Variants in ZNF536 observed in about 807,000 individuals in gnomAD.
ZNF536 encodes the protein zinc finger protein 536.
ZNF536 carries 13 observed loss-of-function variants against 84.5 expected under a neutral mutation model. That is an observed-to-expected ratio of 0.15 (90% CI 0.10 to 0.24). ZNF536 has a LOEUF of 0.24. Ranked by LOEUF, ZNF536 falls within the 10% of genes least tolerant of loss-of-function variation. The probability of loss-of-function intolerance (pLI) is 1.00; values close to 1 mark genes in which losing one functional copy is unlikely to be tolerated. For synonymous variants in ZNF536, 811 were observed against 742.5 expected (o/e 1.09, Z -1.50); for missense variants, 1,536 against 1,747.5 (o/e 0.88, Z 2.16).
intron 1 of ZNF536, 98 bp from the exon 2 acceptor site, chr19:30,443,463 G>T: frequency 1.4e-6 from 2 of 1,455,174 alleles, no homozygotes; most frequent in Non-Finnish European, 1.8e-6. Context: ...TTATGTGTAG[G>T]TAAGGCATGA....
chr19:30,526,139 A>C (rs1171063297), intron 2 of ZNF536, among the ~76,000 whole-genome samples: 2 of 152,108 alleles, frequency 1.3e-5, no homozygotes, highest in African/African-American at 4.8e-5. Flanking sequence ...CAGAGAAGAG[A>C]CAGGTGTGCA....
chr19:30,559,555 T>C (rs887509779), downstream of ZNF536, among the ~76,000 whole-genome samples: 24 of 152,214 alleles, frequency 1.6e-4, no homozygotes, highest in African/African-American at 5.3e-4. Context: ...GTTCCTGGCG[T>C]TGCCGGTCAT....
intron 2 of ZNF536, among the ~76,000 whole-genome samples, chr19:30,343,105 C>G (rs1424158160): frequency 2.6e-5 from 4 of 152,170 alleles, no homozygotes; most frequent in Non-Finnish European, 4.4e-5. Context: ...CCTTGGGCCC[C>G]TGGATAAGCC....
intron 1 of ZNF536, among the ~76,000 whole-genome samples, chr19:30,608,349 A>G (rs2047970165): frequency 6.6e-6 from 1 of 151,962 alleles, no homozygotes; most frequent in Non-Finnish European, 1.5e-5. Flanking sequence ...TTTTGCAGGT[A>G]AACACTTCTT....
chr19:30,312,784 C>T (rs1005254491), intron 2 of ZNF536, among the ~76,000 whole-genome samples: 8 of 152,150 alleles, frequency 5.3e-5, no homozygotes, highest in South Asian at 4.1e-4. Flanking sequence ...GTGCCTCGGG[C>T]GGCCTAGTGG....
intron 1 of ZNF536, among the ~76,000 whole-genome samples, chr19:30,688,091 C>T (rs765027298): frequency 2.2e-4 from 34 of 151,950 alleles, no homozygotes; most frequent in Non-Finnish European, 3.5e-4. Flanking sequence ...GGATTAAACA[C>T]CCAGAAAACA....
At chr19:30,587,486 TC>T (rs1373120273) in intron 1 of ZNF536, among the ~76,000 whole-genome samples, 1 of 152,144 alleles carries the variant, frequency 6.6e-6, no homozygotes, top group Non-Finnish European at 1.5e-5. Context: ...GAAGTGCTCA[TC>T]CCCCGGGGGT....
intron 1 of ZNF536, among the ~76,000 whole-genome samples, chr19:30,639,871 G>A (rs1422137685): frequency 6.6e-6 from 1 of 152,178 alleles, no homozygotes; most frequent in African/African-American, 2.4e-5. Context: ...CCAGCATTCT[G>A]TGCTCCTTCC....
chr19:30,591,112 C>G (rs1297118610), intron 1 of ZNF536, among the ~76,000 whole-genome samples: 1 of 152,220 alleles, frequency 6.6e-6, no homozygotes, highest in Non-Finnish European at 1.5e-5. Flanking sequence ...ATGCCACCCA[C>G]TCATTTGGTG....
intron 1 of ZNF536, among the ~76,000 whole-genome samples, chr19:30,422,861 C>G (rs905770738): frequency 7.4e-6 from 1 of 135,922 alleles, no homozygotes; most frequent in African/African-American, 2.7e-5. Context: ...ATCCAACCAT[C>G]CATCCATCCA....
intron 1 of ZNF536, among the ~76,000 whole-genome samples, chr19:30,647,118 T>C (rs2049503968): frequency 6.6e-6 from 1 of 152,214 alleles, no homozygotes; most frequent in African/African-American, 2.4e-5. Flanking sequence ...TTCCTTTTTG[T>C]TACTTTTTCA....
intron 1 of ZNF536, among the ~76,000 whole-genome samples, chr19:30,644,601 G>A (rs1461788302): frequency 6.6e-6 from 1 of 152,090 alleles, no homozygotes; most frequent in African/African-American, 2.4e-5. Context: ...CCACCTATGA[G>A]TGAGAACATG....
At chr19:30,282,860 G>A (rs183554096) in intron 1 of ZNF536, among the ~76,000 whole-genome samples, 32 of 152,310 alleles carry the variant, frequency 2.1e-4, no homozygotes, top group Middle Eastern at 3.4e-3. Flanking sequence ...ATTTCTTTCC[G>A]TGTTGGAGAT....
At chr19:30,439,205 C>T (rs965382155) in intron 1 of ZNF536, among the ~76,000 whole-genome samples, 2 of 152,078 alleles carry the variant, frequency 1.3e-5, no homozygotes, top group African/African-American at 2.4e-5. Context: ...ACCAAAGCTG[C>T]GATGGTTTAT....
chr19:30,289,435 C>T lies in ZNF536; in HGVS notation c.-120+5294C>T, dbSNP rs114891197. Among the ~76,000 whole-genome samples, 767 of 152,308 alleles carry T rather than the reference C, an allele frequency of 5.0e-3. 9 individuals are homozygous for T. The highest frequency in any genetic ancestry group is 0.018 in the African/African-American group (748 of 41,572). ...TTCTGTCCCTGACAAGATCACTGAC[C>T]ACTCCAAGGAGGGCATACCTCCACG... On this transcript the variant is annotated intron_variant, in intron 2 of 5. Coordinates refer to the ZNF536 transcript ENST00000585628.
intron 1 of ZNF536, among the ~76,000 whole-genome samples, chr19:30,420,035 G>C (rs2050887503): frequency 6.6e-6 from 1 of 152,148 alleles, no homozygotes; most frequent in African/African-American, 2.4e-5. Flanking sequence ...AGGCAGGCTG[G>C]GCGCTGGGCA....
rs538405375 is a variant in ZNF536 at position 30,673,249 on chromosome 19, C to T, written c.170-37508C>T. ...GACATGAAATAGTGACAGATCTGAGCAGAAGCCAAGCACAGCGCCTGGCCC... is the reference window on the plus strand; with the variant it reads ...GACATGAAATAGTGACAGATCTGAGTAGAAGCCAAGCACAGCGCCTGGCCC... On this transcript the variant is annotated intron_variant, in intron 1 of 1. Coordinates refer to the ZNF536 transcript ENST00000592773. Among the ~76,000 whole-genome samples, 52 of 152,324 alleles carry T rather than the reference C, an allele frequency of 3.4e-4. No individual in the cohort carries two copies. The East Asian group carries it at 6.0e-3, about 18-fold the overall frequency.
intron 1 of ZNF536, among the ~76,000 whole-genome samples, chr19:30,442,516 A>G (rs1242596962): frequency 6.6e-6 from 1 of 152,166 alleles, no homozygotes; most frequent in Non-Finnish European, 1.5e-5. Context: ...GTTTTTATCT[A>G]GTTCTATAAA....
chr19:30,494,807 G>A (rs1018499165), intron 2 of ZNF536, among the ~76,000 whole-genome samples: 7 of 152,000 alleles, frequency 4.6e-5, no homozygotes, highest in Admixed American at 2.6e-4. Flanking sequence ...TCAGCCGGGG[G>A]TGGTGGCGTG....
Sources: allele counts gnomAD v4.1 joint callset (sites outside exome capture counted in the v4.1 genomes callset), GRCh38; gene constraint gnomAD v4.1.1; transcripts MANE v1.5; gene names NCBI Gene and HGNC (gene_info 2026-07-23, HGNC 2026-07-21).